ROCK2: variants seen among roughly 807,000 people sequenced by gnomAD.
The protein encoded by ROCK2 is rho-associated protein kinase 2.
ROCK2 carries 61 observed loss-of-function variants against 195.1 expected under a neutral mutation model. That is an observed-to-expected ratio of 0.31 (90% CI 0.25 to 0.39). The LOEUF (loss-of-function observed/expected upper bound fraction) is 0.39, where lower values mean the gene tolerates loss of function less well. Ranked by LOEUF, ROCK2 falls within the 10% of genes least tolerant of loss-of-function variation. The pLI, the probability that ROCK2 is intolerant of heterozygous loss-of-function variation, is 1.00. For missense variants in ROCK2, 1,109 were observed against 1,637.4 expected (o/e 0.68, Z 5.57); for synonymous variants, 504 against 545.5 (o/e 0.92, Z 1.06).
chr2:11,262,051 C>A (rs1360551492), intron 3 of ROCK2, among the ~76,000 whole-genome samples: 1 of 152,124 alleles, frequency 6.6e-6, no homozygotes, highest in East Asian at 1.9e-4. Flanking sequence ...CCACCACAGA[C>A]AAATGGAATT....
chr2:11,288,676 CA>C (rs35012806), intron 1 of ROCK2, among the ~76,000 whole-genome samples: 59,948 of 145,548 alleles, frequency 0.41, 13,436 homozygotes, highest in Admixed American at 0.53. Context: ...GGAGGGTAAA[CA>C]GGGAAGCTAG....
chr2:11,270,484 A>G (rs1323760337), intron 3 of ROCK2, among the ~76,000 whole-genome samples: 1 of 152,034 alleles, frequency 6.6e-6, no homozygotes, highest in African/African-American at 2.4e-5. Flanking sequence ...CCCATTACAC[A>G]TATTTTACAC....
intron 3 of ROCK2, among the ~76,000 whole-genome samples, chr2:11,265,134 A>G (rs767659573): frequency 6.6e-6 from 1 of 152,200 alleles, no homozygotes; most frequent in Non-Finnish European, 1.5e-5. Flanking sequence ...ACTAAATACA[A>G]ATGGATTAAA....
At position 11,197,152 on chromosome 2, in the gene ROCK2, A is replaced by C; in HGVS notation, c.3448+28T>G. ...AATCAACTGATTTATATTTAAGATA[A>C]ATATTAGTGCTGAAAACAAATCCAT... On this transcript the variant is annotated intron_variant, in intron 27 of 32. Transcript: ENST00000315872. The surrounding 1 kb of genome is among the most constrained non-coding windows in gnomAD (Gnocchi z 4.9). 2 of 1,511,272 alleles carry C rather than the reference A, an allele frequency of 1.3e-6. No individual in the cohort carries two copies. The highest frequency in any genetic ancestry group is 1.8e-6 in the Non-Finnish European group (2 of 1,120,710). 93.6% of individuals were successfully genotyped at this position (1,511,272 alleles called of 1,614,324 possible).
rs749582312 is a variant in ROCK2, at chr2:11,286,516, A to G, written c.324+23T>C. 15 of 1,430,244 alleles carry G rather than the reference A, an allele frequency of 1.0e-5. No individual in the cohort carries two copies. In the East Asian group the frequency reaches 2.5e-4, roughly 24 times the overall value. 88.6% of individuals were successfully genotyped at this position (1,430,244 alleles called of 1,614,324 possible). ...CAAAACCATGATGTCATAGAGAACA[A>G]TAAGAACAAAACACTTTCTTACCAA... On this transcript the variant is annotated intron_variant, in intron 3 of 32. Transcript: ENST00000315872.
chr2:11,260,448 C>CAA (rs35308782), intron 3 of ROCK2, among the ~76,000 whole-genome samples: 40,600 of 91,118 alleles, frequency 0.45, 9,401 homozygotes, highest in Non-Finnish European at 0.55. Context: ...ACTCTGTCTC[C>CAA]AAAAAAAAAA....
chr2:11,213,792 A>G (rs1394572846), intron 17 of ROCK2, among the ~76,000 whole-genome samples: 1 of 151,840 alleles, frequency 6.6e-6, no homozygotes, highest in African/African-American at 2.4e-5. Flanking sequence ...TTATCATTCT[A>G]TTTGCCATAC....
Position 11,218,958 on chromosome 2 carries a change from A to C in ROCK2, c.1320+8T>G, listed in dbSNP as rs1448298138. 2 of 1,412,296 alleles carry C rather than the reference A, an allele frequency of 1.4e-6. No homozygotes were observed. The highest frequency in any genetic ancestry group is 9.8e-7 in the Non-Finnish European group (1 of 1,022,412). 87.5% of individuals were successfully genotyped at this position (1,412,296 alleles called of 1,614,324 possible). On this transcript the variant is annotated splice_region_variant and intron_variant, in intron 10 of 32. Coordinates refer to ENST00000315872, the MANE Select transcript of ROCK2 (RefSeq NM_004850.5). ...AAAATAACTACAGCAGTAAAAATGT[A>C]TACGTACTTCATTTTTCCTTGATTG...
At chr2:11,195,993 T>C (rs1275184880) in intron 27 of ROCK2, among the ~76,000 whole-genome samples, 2 of 152,202 alleles carry the variant, frequency 1.3e-5, no homozygotes, top group African/African-American at 4.8e-5. Context: ...ATATGTGAAA[T>C]AGCATTTGGG....
In ROCK2 at chr2:11,344,321, GGCCCAGCCCGGCCCA is replaced by G. The variant is rs1479811257; in HGVS notation, c.-200_-186del. 2.7e-4 allele frequency: 312 copies of G among 1,165,628 alleles called. No individual in the cohort carries two copies. In the South Asian group the frequency reaches 3.7e-3, roughly 14 times the overall value. 72.2% of individuals were successfully genotyped at this position (1,165,628 alleles called of 1,614,324 possible). On this transcript the variant is annotated 5_prime_UTR_variant, in exon 1 of 33. Coordinates refer to ENST00000315872, the MANE Select transcript of ROCK2 (RefSeq NM_004850.5). This position sits in a 1 kb window ranked among gnomAD's most constrained non-coding sequence, Gnocchi z 5.4. ...GGGGGCTGCTCCCAGGGGCCCGCCC[GGCCCAGCCCGGCCCA>G]GCCCGGCCCGGCCCTGCCGGGAGCG...
intron 1 of ROCK2, among the ~76,000 whole-genome samples, chr2:11,299,967 T>C (rs1294996473): frequency 6.6e-6 from 1 of 152,228 alleles, no homozygotes; most frequent in Admixed American, 6.5e-5. Context: ...GTCCACTCTA[T>C]GTGCCCTCCC....
chr2:11,244,351 T>C (rs759828672), intron 4 of ROCK2, among the ~76,000 whole-genome samples: 6 of 152,182 alleles, frequency 3.9e-5, no homozygotes, highest in Non-Finnish European at 5.9e-5. Context: ...TGAAATGAGA[T>C]TGGCCATGGT....
intron 23 of ROCK2, 99 bp from the exon 24 acceptor site, chr2:11,198,873 T>A: frequency 3.2e-5 from 21 of 662,766 alleles, no homozygotes; most frequent in Non-Finnish European, 4.4e-5. Flanking sequence ...TTGTTAAACC[T>A]CTTATTTTTC....
At chr2:11,280,728 GAAGA>G (rs1265929381) in intron 3 of ROCK2, among the ~76,000 whole-genome samples, 1 of 152,092 alleles carries the variant, frequency 6.6e-6, no homozygotes, top group Non-Finnish European at 1.5e-5. Context: ...ACTCATACAA[GAAGA>G]AACAGACTTA....
At chr2:11,314,555 C>A (rs1013645194) in intron 1 of ROCK2, among the ~76,000 whole-genome samples, 6 of 151,940 alleles carry the variant, frequency 3.9e-5, no homozygotes, top group Non-Finnish European at 5.9e-5. Context: ...AGGAAAAAAA[C>A]CCCAACTATA....
chr2:11,301,055 GCAA>G (rs1441319981), intron 1 of ROCK2, among the ~76,000 whole-genome samples: 21 of 152,078 alleles, frequency 1.4e-4, no homozygotes, highest in Admixed American at 1.0e-3. Flanking sequence ...TCAAATCACT[GCAA>G]CAACATTAAA....
rs148282455 is a variant in ROCK2 at position 11,247,422 on chromosome 2, T to C, written c.462+2239A>G. Among the ~76,000 whole-genome samples, 6 of 152,326 alleles carry C rather than the reference T, an allele frequency of 3.9e-5. No homozygotes were observed. The East Asian group carries it at 1.2e-3, about 29-fold the overall frequency. On this transcript the variant is annotated intron_variant, in intron 4 of 32. Transcript: ENST00000315872. Reference sequence around the variant, plus strand: ...CATAAATATAATGGTGCATGGAATGTTGTTCTTTACCCAGAGAGATAAGCA... The same window carrying C: ...CATAAATATAATGGTGCATGGAATGCTGTTCTTTACCCAGAGAGATAAGCA...
At chr2:11,247,849 G>A (rs572417969) in intron 4 of ROCK2, among the ~76,000 whole-genome samples, 22 of 151,756 alleles carry the variant, frequency 1.4e-4, no homozygotes, top group Admixed American at 3.9e-4. Context: ...GTGAGACCCC[G>A]TCTCTCTACT....
chr2:11,336,531 A>T (rs1325361387), intron 1 of ROCK2, among the ~76,000 whole-genome samples: 1 of 151,236 alleles, frequency 6.6e-6, no homozygotes, highest in African/African-American at 2.4e-5. Flanking sequence ...TATTACAGGC[A>T]TGAACCACTG....
Sources: gnomAD v4.1 joint callset for allele counts (sites outside exome capture counted in the v4.1 genomes callset) on GRCh38, gnomAD v4.1.1 for gene constraint, Gnocchi (gnomAD v3.1) non-coding constraint, MANE v1.5 for transcripts, NCBI Gene and HGNC (gene_info 2026-07-23, HGNC 2026-07-21) for gene names.